The following ATG4A variants were observed in gnomAD, a reference collection of about 807,000 sequenced individuals.
ATG4A encodes the protein cysteine protease ATG4A.
Under a neutral mutation model 38.4 loss-of-function variants are expected in ATG4A, and 22 were observed. That is an observed-to-expected ratio of 0.57 (90% CI 0.41 to 0.82). ATG4A has a LOEUF of 0.82. ATG4A is among the 40% of genes least tolerant of loss of function. The pLI, the probability that ATG4A is intolerant of heterozygous loss-of-function variation, is 0.00. For missense variants in ATG4A, 220 were observed against 290.0 expected (o/e 0.76, Z 1.75); for synonymous variants, 86 against 100.7 (o/e 0.85, Z 0.88).
upstream of ATG4A, among the ~76,000 whole-genome samples, chrX:108,090,950 TACC>T (rs200064525): frequency 0.054 from 6,047 of 112,731 alleles, 136 homozygotes; most frequent in East Asian, 0.1. Flanking sequence ...GCCGAGTATT[TACC>T]ACAATTTGTA....
intron 11 of ATG4A, 176 bp downstream of exon 11, chrX:108,152,034 A>G (rs5973849): frequency 0.46 from 193,330 of 420,540 alleles, 34,598 homozygotes; most frequent in African/African-American, 0.68. Context: ...AACTTCGGGG[A>G]AACTGAACAA....
At chrX:108,140,186 A>T (rs1224550006) in intron 9 of ATG4A, among the ~76,000 whole-genome samples, 1 of 111,258 alleles carries the variant, frequency 9.0e-6, no homozygotes, top group East Asian at 2.8e-4. Flanking sequence ...CCTACAGAGA[A>T]TTTCTCCAAG....
intron 1 of ATG4A, among the ~76,000 whole-genome samples, chrX:108,097,359 T>C (rs1187851817): frequency 8.9e-6 from 1 of 112,311 alleles, no homozygotes; most frequent in Admixed American, 9.4e-5. Flanking sequence ...GGGTTGTAAC[T>C]CTACCTGTGA....
At chrX:108,150,055 G>C in intron 9 of ATG4A, 97 bp from the exon 10 acceptor site, 1 of 991,561 alleles carries the variant, frequency 1.0e-6, no homozygotes, top group Non-Finnish European at 1.4e-6. Context: ...TTGTCACCAA[G>C]GGAGGGGTTA....
At chrX:108,109,041 G>A (rs958066341) in intron 1 of ATG4A, among the ~76,000 whole-genome samples, 1 of 111,974 alleles carries the variant, frequency 8.9e-6, no homozygotes, top group African/African-American at 3.2e-5. Context: ...AGGATTGCTG[G>A]ATCACATGGT....
chrX:108,136,443 A>T (rs1304407438), intron 6 of ATG4A, among the ~76,000 whole-genome samples: 2 of 111,617 alleles, frequency 1.8e-5, no homozygotes, highest in Non-Finnish European at 3.8e-5. Context: ...AATACACCAT[A>T]AAGTCCTACA....
intron 1 of ATG4A, among the ~76,000 whole-genome samples, chrX:108,124,697 C>T (rs1009770343): frequency 9.0e-6 from 1 of 111,441 alleles, no homozygotes; most frequent in African/African-American, 3.3e-5. Flanking sequence ...TCTAAAAGTA[C>T]TTGTACAAAT....
intron 11 of ATG4A, among the ~76,000 whole-genome samples, chrX:108,152,257 C>G (rs1252533921): frequency 9.0e-6 from 1 of 111,490 alleles, no homozygotes; most frequent in Non-Finnish European, 1.9e-5. Context: ...TTTTTTGAGA[C>G]AAAGGCTCGC....
chrX:108,136,941 C>A, intron 6 of ATG4A, 150 bp from the exon 7 acceptor site: 1 of 357,055 alleles, frequency 2.8e-6, no homozygotes, highest in Non-Finnish European at 4.9e-6. Flanking sequence ...CATCCCAGAG[C>A]TCTGGCAAAG....
upstream of ATG4A, among the ~76,000 whole-genome samples, chrX:108,089,538 AAAT>A (rs2031538791): frequency 8.9e-6 from 1 of 112,704 alleles, no homozygotes; most frequent in Admixed American, 9.3e-5. Context: ...TTTTTATAAA[AAAT>A]AATAAGCTAT....
chrX:108,140,702 TA>T (rs1364914275), intron 9 of ATG4A, among the ~76,000 whole-genome samples: 1 of 101,481 alleles, frequency 9.9e-6, no homozygotes, highest in Non-Finnish European at 2.0e-5. Context: ...TAAATGTATA[TA>T]TAAAATACAT....
intron 9 of ATG4A, among the ~76,000 whole-genome samples, chrX:108,141,347 AC>A (rs1750055286): frequency 1.8e-5 from 2 of 108,487 alleles, no homozygotes; most frequent in Admixed American, 2.0e-4. Flanking sequence ...CATCCTATCT[AC>A]TTGATTATTA....
At chrX:108,124,967 A>T (rs1466979668) in intron 1 of ATG4A, among the ~76,000 whole-genome samples, 1 of 111,670 alleles carries the variant, frequency 9.0e-6, no homozygotes, top group Non-Finnish European at 1.9e-5. Context: ...AGGAGCCCCC[A>T]TGAGTTGAGA....
rs1003851294 is a variant in ATG4A at position 108,112,642 on chromosome X, G to A, written c.11-13435G>A. On this transcript the variant is annotated intron_variant, in intron 1 of 12. Transcript: ENST00000372232. Reference sequence around the variant, plus strand: ...CATCTCCTGACCTCGTGATCCGCCCGCCTCCGCCTCCCAAAGTGCTAGGAT... The same window carrying A: ...CATCTCCTGACCTCGTGATCCGCCCACCTCCGCCTCCCAAAGTGCTAGGAT... Among the ~76,000 whole-genome samples, 12 of 110,473 alleles carry A rather than the reference G, an allele frequency of 1.1e-4. No individual in the cohort carries two copies. The East Asian group carries it at 2.8e-3, about 26-fold the overall frequency.
intron 4 of ATG4A, among the ~76,000 whole-genome samples, chrX:108,131,952 T>C (rs1191050522): frequency 9.0e-6 from 1 of 110,919 alleles, no homozygotes; most frequent in East Asian, 2.8e-4. Context: ...CAGGCTGCAG[T>C]GCAGTGGTGC....
rs1432801214 is a variant in ATG4A, at chrX:108,138,006, T to C, written c.735+15T>C. The C allele has an allele frequency of 8.3e-7, 1 of 1,201,352 alleles. No homozygotes were observed. The highest frequency in any genetic ancestry group is 2.2e-5 in the Admixed American group (1 of 45,408). ...ATGCATTCAAAGTAAGTCACTTCTTTCCCTGAGCCCATTGCTGCCTGCCCA... is the reference window on the plus strand; with the variant it reads ...ATGCATTCAAAGTAAGTCACTTCTTCCCCTGAGCCCATTGCTGCCTGCCCA... On this transcript the variant is annotated intron_variant, in intron 8 of 12. Transcript: ENST00000372232.
At position 108,134,326 on chromosome X, in the gene ATG4A, A is replaced by C; in HGVS notation, c.395-13A>C. Reference sequence around the variant, plus strand: ...TTTTGCTAACATGTTATTTTTTTCCACATTAAAAACAGCACAAATGGGTGT... The same window carrying C: ...TTTTGCTAACATGTTATTTTTTTCCCCATTAAAAACAGCACAAATGGGTGT... On this transcript the variant is annotated splice_polypyrimidine_tract_variant and intron_variant, in intron 5 of 12. Coordinates refer to ENST00000372232, the MANE Select transcript of ATG4A (RefSeq NM_052936.5). 8.3e-7 allele frequency: 1 copy of C among 1,200,948 alleles called. No homozygotes were observed.
At chrX:108,152,206 G>T (rs1017231866) in intron 11 of ATG4A, among the ~76,000 whole-genome samples, 2 of 112,201 alleles carry the variant, frequency 1.8e-5, no homozygotes, top group African/African-American at 6.5e-5. Context: ...GGTGGAATGA[G>T]AATTTTCTGA....
At chrX:108,089,039 T>A, upstream of ATG4A, among the ~76,000 whole-genome samples, 1 of 112,486 alleles carries the variant, frequency 8.9e-6, no homozygotes, top group Non-Finnish European at 1.9e-5. Flanking sequence ...ATGGGGAGAA[T>A]GACATTGATG....
Sources: gnomAD v4.1 joint callset for allele counts (sites outside exome capture counted in the v4.1 genomes callset) on GRCh38, gnomAD v4.1.1 for gene constraint, MANE v1.5 for transcripts, NCBI Gene and HGNC (gene_info 2026-07-23, HGNC 2026-07-21) for gene names.